Variants in CENATAC observed in about 807,000 individuals in gnomAD.
CENATAC encodes the protein centrosomal AT-AC splicing factor.
CENATAC carries 53 observed loss-of-function variants against 53.7 expected under a neutral mutation model. The ratio of observed to expected loss-of-function variants is 0.99; its 90% CI spans 0.79 to 1.24. The LOEUF (loss-of-function observed/expected upper bound fraction) is 1.24, where lower values mean the gene tolerates loss of function less well. Among genes scored for constraint, CENATAC ranks in the 50% most tolerant of loss-of-function variants. CENATAC has a pLI of 0.00. For missense variants in CENATAC, 474 were observed against 417.8 expected (o/e 1.13, Z -1.17); for synonymous variants, 156 against 144.6 (o/e 1.08, Z -0.57).
chr11:119,011,958 C>CAGAAGAGGGCTCTTCAGCACCT lies in CENATAC; in HGVS notation c.539_560dup (p.Ser187ArgfsTer7), dbSNP rs1942889920. 7 of 1,613,984 alleles carry CAGAAGAGGGCTCTTCAGCACCT rather than the reference C, an allele frequency of 4.3e-6. No homozygotes were observed. The highest frequency in any genetic ancestry group is 5.9e-6 in the Non-Finnish European group (7 of 1,180,006). ...ACTCAGCCTCAGGCAGTGCCAGACCCAGAAGAGGGCTCTTCAGCACCTAGA... is the reference window on the plus strand; with the variant it reads ...ACTCAGCCTCAGGCAGTGCCAGACCCAGAAGAGGGCTCTTCAGCACCTAGAAGAGGGCTCTTCAGCACCTAGA... On this transcript the variant is annotated frameshift_variant, in exon 6 of 11. Transcript: ENST00000334418. LOFTEE classifies it high-confidence loss of function.
At chr11:119,005,461 C>T (rs1022940262) in intron 3 of CENATAC, among the ~76,000 whole-genome samples, 10 of 149,266 alleles carry the variant, frequency 6.7e-5, no homozygotes, top group African/African-American at 1.8e-4. Flanking sequence ...AGTGAGACCC[C>T]GTCTCAAAAA....
intron 3 of CENATAC, chr11:119,003,296 C>T (rs565008687): frequency 1.5e-5 from 8 of 527,668 alleles, no homozygotes; most frequent in East Asian, 1.0e-4. Flanking sequence ...CCTCCGGAGT[C>T]GCAATGTCTT....
At chr11:119,005,430 C>T (rs570236510) in intron 3 of CENATAC, among the ~76,000 whole-genome samples, 2 of 151,362 alleles carry the variant, frequency 1.3e-5, no homozygotes, top group Middle Eastern at 3.4e-3. Context: ...CATGCCACTG[C>T]ACTCCAGCCT....
chr11:119,013,261 A>C lies in CENATAC; in HGVS notation c.714A>C (p.Ser238=), dbSNP rs1592078402. 1.2e-6 allele frequency: 2 copies of C among 1,607,444 alleles called. No individual in the cohort carries two copies. Among genetic ancestry groups the C allele is most frequent in the Middle Eastern group, 1.7e-4 (1 of 5,916 alleles). Residue 238 remains serine (S), a splice_region_variant and synonymous_variant, in exon 8 of 11, where the codon TCA becomes TCC. Coordinates refer to ENST00000334418, the MANE Select transcript of CENATAC (RefSeq NM_198489.3). ...QDIPGVGNIH[S]GATPPWMIQD... ...TACCAGGAGTTGGTAACATCCACTC[A>C]GGTAAGGTCCAGGGCAGTGTTTTTA...
intron 2 of CENATAC, 151 bp downstream of exon 2, chr11:118,998,744 G>A: frequency 8.9e-7 from 1 of 1,118,800 alleles, no homozygotes; most frequent in Non-Finnish European, 1.2e-6. Flanking sequence ...TGTTAGGGTA[G>A]GGGTCATATG....
chr11:119,011,887 G>A (rs1942887016), intron 5 of CENATAC, 52 bp from the exon 6 acceptor site: 1 of 1,543,928 alleles, frequency 6.5e-7, no homozygotes, highest in Non-Finnish European at 8.9e-7. Flanking sequence ...GCATGGCCTA[G>A]GCAGGCTCTT....
chr11:118,998,892 C>G, intron 2 of CENATAC, 119 bp from the exon 3 acceptor site: 1 of 768,216 alleles, frequency 1.3e-6, no homozygotes, highest in Non-Finnish European at 2.2e-6. Context: ...CAGTGTTCCT[C>G]TCTCAGCCGT....
At chr11:119,011,915 T>A in intron 5 of CENATAC, 24 bp from the exon 6 acceptor site, 1 of 1,612,396 alleles carries the variant, frequency 6.2e-7, no homozygotes, top group Non-Finnish European at 8.5e-7. Context: ...CCAGACACAT[T>A]TATTTTTCCT....
chr11:119,002,342 ATTT>A (rs368309024), intron 3 of CENATAC, among the ~76,000 whole-genome samples: 25 of 136,410 alleles, frequency 1.8e-4, no homozygotes, highest in East Asian at 2.2e-4. Context: ...TAGAAAAAAG[ATTT>A]TTTTTTTTTT....
chr11:119,006,487 C>T (rs1282126760), intron 3 of CENATAC, among the ~76,000 whole-genome samples: 4 of 152,106 alleles, frequency 2.6e-5, no homozygotes, highest in Admixed American at 6.6e-5. Flanking sequence ...CCGCCTGCCT[C>T]GGCCTCCCAA....
rs552718120 is a variant in CENATAC at position 119,005,480 on chromosome 11, A to AAAT, written c.384-5284_384-5283insAAT. Among the ~76,000 whole-genome samples the AAAT allele has an allele frequency of 2.1e-3, 299 of 143,942 alleles. 1 individual carries two copies. The highest frequency in any genetic ancestry group is 7.7e-3 in the African/African-American group (286 of 37,196). 94.4% of individuals were successfully genotyped at this position (143,942 alleles called of 152,430 possible). A position where few individuals can be genotyped will look rare whatever the true frequency, so the allele number is the denominator to read the frequency against. ...AGACCCCGTCTCAAAAAAAAAAAAAATTTTTTTTTTTTACAATTCCACATT... is the reference window on the plus strand; with the variant it reads ...AGACCCCGTCTCAAAAAAAAAAAAAAAATTTTTTTTTTTTTACAATTCCACATT... On this transcript the variant is annotated intron_variant, in intron 3 of 10. Coordinates refer to ENST00000334418, the MANE Select transcript of CENATAC (RefSeq NM_198489.3).
At chr11:119,012,348 C>A in intron 7 of CENATAC, 94 bp downstream of exon 7, 1 of 1,366,534 alleles carries the variant, frequency 7.3e-7, no homozygotes, top group South Asian at 1.3e-5. Flanking sequence ...GCCACTGCTG[C>A]CTCCACTGCA....
At chr11:119,004,105 A>G (rs781808204) in intron 3 of CENATAC, among the ~76,000 whole-genome samples, 1 of 152,208 alleles carries the variant, frequency 6.6e-6, no homozygotes, top group Admixed American at 6.5e-5. Flanking sequence ...ATCACGCTCT[A>G]TGATGTTTCG....
chr11:119,001,843 G>A (rs1466366911), intron 3 of CENATAC: 4 of 340,592 alleles, frequency 1.2e-5, no homozygotes, highest in African/African-American at 8.6e-5. Context: ...GATAGCTTGA[G>A]CCCAGGAGTT....
chr11:119,010,767 C>G lies in CENATAC; in HGVS notation c.387C>G (p.Phe129Leu). 2 of 1,613,936 alleles carry G rather than the reference C, an allele frequency of 1.2e-6. No individual in the cohort carries two copies. Among genetic ancestry groups the G allele is most frequent in the Non-Finnish European group, 1.7e-6 (2 of 1,179,918 alleles). Reference protein sequence around the residue: ...FLVTPQDYARFKKSMVKGLDS... With the variant: ...FLVTPQDYARLKKSMVKGLDS... ...GTTTTGCCCCTTTTCTTTTTAGATT[C>G]AAGAAATCCATGGTGAAAGGTTTGG... Residue 129 changes from phenylalanine (F) to leucine (L), a missense_variant, in exon 4 of 11, where the codon TTC (phenylalanine) becomes TTG (leucine). Coordinates refer to ENST00000334418, the MANE Select transcript of CENATAC (RefSeq NM_198489.3).
In CENATAC at chr11:119,015,406, G is replaced by C. The variant is rs782325490; in HGVS notation, c.905G>C (p.Arg302Pro). Residue 302 changes from arginine (R) to proline (P), a missense_variant, in exon 10 of 11, where the codon CGC (arginine) becomes CCC (proline). Physicochemically the swap from Arg to Pro is moderately radical, Grantham distance 103. Transcript: ENST00000334418. Reference protein sequence around the residue: ...TSAGWLPSFGRVWNNGRRWQS... With the variant: ...TSAGWLPSFGPVWNNGRRWQS... ...GCAGGCTGGCTGCCCTCTTTTGGCC[G>C]CGTCTGGAATAATGGACGCCGCTGG... The C allele has an allele frequency of 6.2e-7, 1 of 1,614,160 alleles. No homozygotes were observed. Among genetic ancestry groups the C allele is most frequent in the South Asian group, 1.1e-5 (1 of 91,084 alleles).
At chr11:119,013,137 CTT>C (rs1303530030) in intron 7 of CENATAC, 93 bp from the exon 8 acceptor site, 3 of 938,578 alleles carry the variant, frequency 3.2e-6, no homozygotes, top group African/African-American at 3.4e-5. Flanking sequence ...ACACCCACCT[CTT>C]TTAAAGTGTG....
chr11:119,000,611 C>T (rs1942243583), intron 3 of CENATAC, among the ~76,000 whole-genome samples: 1 of 151,852 alleles, frequency 6.6e-6, no homozygotes, highest in Non-Finnish European at 1.5e-5. Flanking sequence ...CAAAAATTAG[C>T]TGGGTGTGGT....
intron 3 of CENATAC, chr11:119,009,872 A>G (rs1469483098): frequency 1.3e-5 from 2 of 152,256 alleles, no homozygotes; most frequent in Non-Finnish European, 1.5e-5. Context: ...AAGGCCAGGC[A>G]TAGTGGCTGA....
Sources: allele counts gnomAD v4.1 joint callset (sites outside exome capture counted in the v4.1 genomes callset), GRCh38; gene constraint gnomAD v4.1.1; transcripts MANE v1.5; gene names NCBI Gene and HGNC (gene_info 2026-07-23, HGNC 2026-07-21).